STOX2: variants seen among roughly 807,000 people sequenced by gnomAD.
STOX2 encodes storkhead-box protein 2.
In STOX2, 28 loss-of-function variants were observed where a neutral mutation model predicts 60.9. The observed-to-expected ratio is 0.46, with a 90% CI of 0.34 to 0.63. The LOEUF is 0.63. Ranked by LOEUF, STOX2 falls within the 30% of genes least tolerant of loss-of-function variation. STOX2 has a pLI of 0.01. For missense variants in STOX2, 1,024 were observed against 1,187.7 expected, an observed-to-expected ratio of 0.86 and a Z score of 2.03; for synonymous variants, 472 against 463.9, an observed-to-expected ratio of 1.02 and a Z score of -0.22.
chr4:183,890,033 A>G (rs1303186889), intron 1 of STOX2, among the ~76,000 whole-genome samples: 1 of 152,178 alleles, frequency 6.6e-6, no homozygotes, highest in African/African-American at 2.4e-5. Flanking sequence ...TTCCAGCTGA[A>G]ATATTACATA....
intron 1 of STOX2, among the ~76,000 whole-genome samples, chr4:183,989,817 C>A (rs1733021415): frequency 6.6e-6 from 1 of 152,176 alleles, no homozygotes; most frequent in Non-Finnish European, 1.5e-5. Context: ...ACATTACATG[C>A]CTCATTTCCA....
chr4:183,964,238 T>G (rs554035037), intron 1 of STOX2, among the ~76,000 whole-genome samples: 2 of 152,248 alleles, frequency 1.3e-5, no homozygotes, highest in Non-Finnish European at 2.9e-5. Context: ...TCCGATGGGG[T>G]GCTGATTAAT....
intron 1 of STOX2, among the ~76,000 whole-genome samples, chr4:183,913,905 C>T (rs1333875978): frequency 1.3e-5 from 2 of 152,184 alleles, no homozygotes; most frequent in Non-Finnish European, 2.9e-5. Flanking sequence ...TTTAATACTT[C>T]GCTTTAACTT....
chr4:183,820,971 G>T (rs139893455), intron 1 of STOX2, among the ~76,000 whole-genome samples: 1 of 152,030 alleles, frequency 6.6e-6, no homozygotes, highest in Non-Finnish European at 1.5e-5. Flanking sequence ...GCCTAGTGTG[G>T]TGGTGAACAC....
At chr4:183,850,807 A>AGAAAGGATGAGG in intron 1 of STOX2, among the ~76,000 whole-genome samples, 1 of 151,928 alleles carries the variant, frequency 6.6e-6, no homozygotes, top group East Asian at 1.9e-4. Flanking sequence ...GACAAATGGG[A>AGAAAGGATGAGG]GAAAGGATGA....
chr4:183,952,415 G>A (rs1005798191), intron 1 of STOX2, among the ~76,000 whole-genome samples: 2 of 152,180 alleles, frequency 1.3e-5, no homozygotes, highest in East Asian at 3.8e-4. Flanking sequence ...ATTCTTGTCG[G>A]AAGTATATAC....
At chr4:183,857,557 A>G (rs937471513) in intron 1 of STOX2, among the ~76,000 whole-genome samples, 48 of 152,246 alleles carry the variant, frequency 3.2e-4, no homozygotes, top group African/African-American at 1.1e-3. Flanking sequence ...TTCTTAATCT[A>G]CTTATTTTTC....
chr4:183,948,613 C>G (rs941364539), intron 1 of STOX2, among the ~76,000 whole-genome samples: 2 of 132,946 alleles, frequency 1.5e-5, no homozygotes, highest in Admixed American at 8.8e-5. Flanking sequence ...CTCACTGCAA[C>G]CTCTGCCTCC....
At chr4:183,884,320 G>A (rs1435640333) in intron 1 of STOX2, among the ~76,000 whole-genome samples, 5 of 146,756 alleles carry the variant, frequency 3.4e-5, no homozygotes, top group Admixed American at 2.7e-4. Flanking sequence ...TTTTTTTTTA[G>A]TGTGAGCAGA....
chr4:183,849,784 G>A (rs1213886062), intron 1 of STOX2, among the ~76,000 whole-genome samples: 2 of 152,078 alleles, frequency 1.3e-5, no homozygotes, highest in Non-Finnish European at 2.9e-5. Flanking sequence ...CATCGTTTTT[G>A]TGTATGCACC....
At chr4:183,918,603 G>A (rs1741999520) in intron 1 of STOX2, among the ~76,000 whole-genome samples, 1 of 152,238 alleles carries the variant, frequency 6.6e-6, no homozygotes, top group South Asian at 2.1e-4. Context: ...TTCAAGGCCA[G>A]TTTTGAAAGT....
chr4:183,951,665 T>C (rs1743099257), intron 1 of STOX2, among the ~76,000 whole-genome samples: 2 of 150,778 alleles, frequency 1.3e-5, no homozygotes, highest in African/African-American at 4.9e-5. Context: ...AGTGGTCGGG[T>C]GCGGTGGCTC....
At chr4:183,822,719 T>G (rs1031662222) in intron 1 of STOX2, among the ~76,000 whole-genome samples, 1 of 152,204 alleles carries the variant, frequency 6.6e-6, no homozygotes, top group African/African-American at 2.4e-5. Context: ...GCCACTCTCC[T>G]CCTTCTGTGC....
chr4:183,925,403 G>A (rs1275266179), intron 1 of STOX2, among the ~76,000 whole-genome samples: 2 of 152,014 alleles, frequency 1.3e-5, no homozygotes, highest in South Asian at 2.1e-4. Context: ...GGCTGGTCTT[G>A]AACTCCTGGG....
At chr4:183,900,959 A>G (rs766089639), upstream of STOX2, among the ~76,000 whole-genome samples, 7 of 152,184 alleles carry the variant, frequency 4.6e-5, no homozygotes, top group Non-Finnish European at 5.9e-5. Flanking sequence ...TTAAATACAT[A>G]TATAACATTA....
At chr4:183,813,451 A>G (rs956949704) in intron 1 of STOX2, among the ~76,000 whole-genome samples, 2 of 152,194 alleles carry the variant, frequency 1.3e-5, no homozygotes, top group African/African-American at 4.8e-5. Flanking sequence ...TATTATGGGT[A>G]AGCTAGAGAT....
intron 1 of STOX2, chr4:183,853,833 C>T (rs971239092): frequency 4.6e-5 from 7 of 152,212 alleles, no homozygotes; most frequent in African/African-American, 1.7e-4. Context: ...ACCCAGGACC[C>T]AGACTGGAGT....
At chr4:183,874,276 G>A (rs1740761795) in intron 1 of STOX2, among the ~76,000 whole-genome samples, 4 of 152,276 alleles carry the variant, frequency 2.6e-5, no homozygotes, top group Middle Eastern at 3.4e-3. Flanking sequence ...TCATCCCTTG[G>A]TAAAAGTGAC....
intron 1 of STOX2, among the ~76,000 whole-genome samples, chr4:183,944,755 A>T (rs1742841685): frequency 6.6e-6 from 1 of 152,252 alleles, no homozygotes; most frequent in Non-Finnish European, 1.5e-5. Flanking sequence ...TCATTTAAGT[A>T]TAAATTCTTT....
Sources: gnomAD v4.1 joint callset for allele counts (sites outside exome capture counted in the v4.1 genomes callset) on GRCh38, gnomAD v4.1.1 for gene constraint, MANE v1.5 for transcripts, NCBI Gene and HGNC (gene_info 2026-07-23, HGNC 2026-07-21) for gene names.